Variants in WDR27 observed in about 807,000 individuals in gnomAD.
WDR27 encodes the protein WD repeat-containing protein 27.
WDR27 carries 100 observed loss-of-function variants against 114.4 expected under a neutral mutation model. That is an observed-to-expected ratio of 0.87 (90% confidence interval 0.74 to 1.03). The LOEUF is 1.03. WDR27 is among the 50% of genes least tolerant of loss of function. The pLI, the probability that WDR27 is intolerant of heterozygous loss-of-function variation, is 0.00. For synonymous variants in WDR27, 449 were observed against 423.1 expected (o/e 1.06, Z -0.75); for missense variants, 1,129 against 1,092.9 (o/e 1.03, Z -0.47).
At chr6:169,547,901 T>C (rs1226970764) in intron 25 of WDR27, among the ~76,000 whole-genome samples, 4 of 151,816 alleles carry the variant, frequency 2.6e-5, no homozygotes. Flanking sequence ...CATAGAACAT[T>C]TGAAAGAATT....
chr6:169,677,769 C>G (rs942315660), intron 2 of WDR27, among the ~76,000 whole-genome samples: 1 of 152,260 alleles, frequency 6.6e-6, no homozygotes, highest in Admixed American at 6.5e-5. Context: ...TGCTGCCCCA[C>G]ACAGCCTCAG....
chr6:169,604,410 T>C (rs9371120), intron 22 of WDR27, among the ~76,000 whole-genome samples: 13,651 of 151,714 alleles, frequency 0.09, 1,699 homozygotes, highest in East Asian at 0.58. Context: ...CAGGAAGAAA[T>C]AGAAAACCTG....
intron 13 of WDR27, among the ~76,000 whole-genome samples, chr6:169,657,420 C>T (rs1006618475): frequency 7.2e-5 from 11 of 152,218 alleles, no homozygotes; most frequent in African/African-American, 2.2e-4. Flanking sequence ...TAGCCGAGCC[C>T]GGCCCGGGGA....
intron 23 of WDR27, among the ~76,000 whole-genome samples, chr6:169,587,270 G>A (rs1804838996): frequency 7.1e-6 from 1 of 141,596 alleles, no homozygotes; most frequent in African/African-American, 2.6e-5. Context: ...CCAGGCTGGA[G>A]TGCAGTGGTG....
intron 25 of WDR27, among the ~76,000 whole-genome samples, chr6:169,543,354 G>A (rs1797061579): frequency 6.6e-6 from 1 of 152,006 alleles, no homozygotes; most frequent in Non-Finnish European, 1.5e-5. Context: ...TCCCATCATA[G>A]GACAACAGTT....
intron 22 of WDR27, among the ~76,000 whole-genome samples, chr6:169,608,754 C>A (rs1454915294): frequency 6.6e-6 from 1 of 152,202 alleles, no homozygotes; most frequent in Non-Finnish European, 1.5e-5. Context: ...TCAAAACCAA[C>A]CATGCCTTCC....
chr6:169,667,487 T>C, intron 5 of WDR27: 2 of 669,682 alleles, frequency 3.0e-6, no homozygotes, highest in Non-Finnish European at 3.7e-6. Flanking sequence ...GCTGCCAAGA[T>C]AGAGGCACCA....
At chr6:169,605,981 T>C (rs1236511672) in intron 22 of WDR27, among the ~76,000 whole-genome samples, 1 of 152,136 alleles carries the variant, frequency 6.6e-6, no homozygotes, top group Non-Finnish European at 1.5e-5. Flanking sequence ...GACTTAAGTG[T>C]AAAACCTGAA....
chr6:169,489,512 C>A (rs1384006437), intron 25 of WDR27, among the ~76,000 whole-genome samples: 1 of 152,148 alleles, frequency 6.6e-6, no homozygotes, highest in African/African-American at 2.4e-5. Context: ...AGGCCGTCGC[C>A]CGCTGTGATC....
At chr6:169,641,450 T>C (rs183272533) in intron 17 of WDR27, among the ~76,000 whole-genome samples, 315 of 152,170 alleles carry the variant, frequency 2.1e-3, no homozygotes, top group African/African-American at 7.0e-3. Flanking sequence ...CAGTTTCCCC[T>C]GTGGTGAGTG....
intron 2 of WDR27, among the ~76,000 whole-genome samples, chr6:169,680,355 G>A (rs1408199787): frequency 6.6e-6 from 1 of 152,218 alleles, no homozygotes; most frequent in Non-Finnish European, 1.5e-5. Context: ...GGCCGAGGCA[G>A]GTGTATCACG....
chr6:169,515,218 A>G (rs994970986), intron 25 of WDR27, among the ~76,000 whole-genome samples: 1 of 152,138 alleles, frequency 6.6e-6, no homozygotes, highest in Non-Finnish European at 1.5e-5. Flanking sequence ...ATCAACAGAA[A>G]TGTGTGCGTG....
chr6:169,592,859 G>A (rs1025006469), intron 23 of WDR27, among the ~76,000 whole-genome samples: 12 of 152,088 alleles, frequency 7.9e-5, no homozygotes, highest in Non-Finnish European at 1.5e-4. Context: ...CTCTTTTACC[G>A]GGTGTTTTAG....
At chr6:169,482,136 T>C (rs561182151) in intron 25 of WDR27, among the ~76,000 whole-genome samples, 5 of 152,374 alleles carry the variant, frequency 3.3e-5, no homozygotes, top group African/African-American at 1.2e-4. Context: ...TCTTATCTTT[T>C]TTTATGGTTA....
At chr6:169,517,383 C>G (rs1200589419) in intron 25 of WDR27, among the ~76,000 whole-genome samples, 1 of 152,150 alleles carries the variant, frequency 6.6e-6, no homozygotes, top group Non-Finnish European at 1.5e-5. Context: ...TTTATAGCAA[C>G]ACAAGAACAG....
At chr6:169,450,823 C>T in the WDR27 span, among the ~76,000 whole-genome samples, 1 of 152,126 alleles carries the variant, frequency 6.6e-6, no homozygotes, top group Non-Finnish European at 1.5e-5. Context: ...CTTGGTGTTG[C>T]TGAGGAAAAT....
intron 21 of WDR27, among the ~76,000 whole-genome samples, chr6:169,617,293 C>T (rs770498560): frequency 6.6e-5 from 10 of 152,148 alleles, no homozygotes; most frequent in South Asian, 4.1e-4. Flanking sequence ...CTTGAGGAGG[C>T]GGTGCCTGAT....
At chr6:169,585,229 A>G (rs1047245583) in intron 23 of WDR27, among the ~76,000 whole-genome samples, 6 of 152,182 alleles carry the variant, frequency 3.9e-5, no homozygotes, top group Non-Finnish European at 8.8e-5. Flanking sequence ...CTCAATATTG[A>G]CCTTGGCAAT....
chr6:169,634,797 G>A (rs1817272601), intron 19 of WDR27, among the ~76,000 whole-genome samples: 1 of 152,114 alleles, frequency 6.6e-6, no homozygotes, highest in Admixed American at 6.5e-5. Context: ...GTAATCAAAT[G>A]CACCAGCCTT....
Sources: gnomAD v4.1 joint callset for allele counts (sites outside exome capture counted in the v4.1 genomes callset) on GRCh38, gnomAD v4.1.1 for gene constraint, MANE v1.5 for transcripts, NCBI Gene and HGNC (gene_info 2026-07-23, HGNC 2026-07-21) for gene names.